The following CACNA1D variants were observed in gnomAD, a reference collection of about 807,000 sequenced individuals.
CACNA1D encodes the protein calcium voltage-gated channel subunit alpha1 D.
A neutral mutation model predicts 257.1 loss-of-function variants in CACNA1D; 55 were observed. The observed-to-expected ratio is 0.21, with a 90% CI of 0.17 to 0.27. The LOEUF is 0.27. Among genes scored for constraint, CACNA1D ranks in the 10% least tolerant of loss-of-function variants. CACNA1D has a pLI of 1.00. For missense variants in CACNA1D, 1,876 were observed against 2,784.0 expected (o/e 0.67, Z 7.34); for synonymous variants, 980 against 1,014.9 (o/e 0.97, Z 0.65).
intron 3 of CACNA1D, among the ~76,000 whole-genome samples, chr3:53,572,232 T>C (rs1214075601): frequency 6.6e-6 from 1 of 152,192 alleles, no homozygotes; most frequent in East Asian, 1.9e-4. Flanking sequence ...GCCCTTCCAG[T>C]CCCAGTGGAT....
chr3:53,559,891 A>T (rs967451452), intron 3 of CACNA1D, among the ~76,000 whole-genome samples: 24 of 150,010 alleles, frequency 1.6e-4, no homozygotes, highest in Non-Finnish European at 2.5e-4. Flanking sequence ...TTCGCCCCTT[A>T]TTCTGGGACT....
At chr3:53,523,554 C>G (rs529584841) in intron 3 of CACNA1D, among the ~76,000 whole-genome samples, 47 of 152,322 alleles carry the variant, frequency 3.1e-4, no homozygotes, top group African/African-American at 1.1e-3. Context: ...TAGGCACATT[C>G]CAAGTGCCAT....
At chr3:53,740,466 G>T (rs1380624964) in intron 21 of CACNA1D, 127 bp downstream of exon 21, 4 of 751,294 alleles carry the variant, frequency 5.3e-6, no homozygotes, top group Non-Finnish European at 7.2e-6. Context: ...TTGCATTTGA[G>T]ATCATTTTAA....
chr3:53,717,815 C>T (rs2094835978), intron 9 of CACNA1D, among the ~76,000 whole-genome samples: 1 of 152,174 alleles, frequency 6.6e-6, no homozygotes, highest in Admixed American at 6.5e-5. Context: ...TACCTTCATG[C>T]ACTGCCTTCC....
At chr3:53,622,984 C>T (rs1439886977) in intron 3 of CACNA1D, among the ~76,000 whole-genome samples, 5 of 152,020 alleles carry the variant, frequency 3.3e-5, no homozygotes, top group African/African-American at 7.3e-5. Flanking sequence ...CTCTGCCTCC[C>T]GGGTTCAAGC....
chr3:53,618,876 CGG>C (rs1164958224), intron 3 of CACNA1D, among the ~76,000 whole-genome samples: 1 of 152,152 alleles, frequency 6.6e-6, no homozygotes, highest in East Asian at 1.9e-4. Context: ...TGTGTGACCT[CGG>C]GCAAGTCACT....
intron 38 of CACNA1D, 123 bp from the exon 39 acceptor site, chr3:53,781,443 G>A (rs2095424811): frequency 1.4e-6 from 1 of 718,038 alleles, no homozygotes; most frequent in African/African-American, 1.7e-5. Context: ...CCTGGTGGGA[G>A]TGGAGCCCCA....
intron 3 of CACNA1D, among the ~76,000 whole-genome samples, chr3:53,535,928 G>A (rs2092102480): frequency 6.6e-6 from 1 of 152,184 alleles, no homozygotes; most frequent in South Asian, 2.1e-4. Context: ...CCTTCTAGGT[G>A]GTGGGGAAGA....
chr3:53,507,087 A>AAG (rs1553707857), intron 3 of CACNA1D, among the ~76,000 whole-genome samples: 3 of 151,098 alleles, frequency 2.0e-5, no homozygotes, highest in Non-Finnish European at 1.5e-5. Flanking sequence ...AAAAAAAAAA[A>AAG]AAAAAACAAA....
At chr3:53,558,738 A>T (rs9866802) in intron 3 of CACNA1D, among the ~76,000 whole-genome samples, 2,783 of 152,228 alleles carry the variant, frequency 0.018, 96 homozygotes, top group African/African-American at 0.062. Context: ...TAATAATTCA[A>T]ATCATTCTTC....
chr3:53,554,001 C>T (rs775082808), intron 3 of CACNA1D, among the ~76,000 whole-genome samples: 10 of 151,788 alleles, frequency 6.6e-5, no homozygotes, highest in Non-Finnish European at 1.5e-4. Flanking sequence ...TGGAGACCAT[C>T]CTGGCTAACA....
At chr3:53,651,361 A>ATTTTTTTTT (rs1576235107) in intron 4 of CACNA1D, among the ~76,000 whole-genome samples, 55 of 57,084 alleles carry the variant, frequency 9.6e-4, no homozygotes, top group Non-Finnish European at 1.1e-3. Flanking sequence ...AAAGCTATTA[A>ATTTTTTTTT]TTTTCTTTTT....
chr3:53,609,359 G>A (rs1330889069), intron 3 of CACNA1D, among the ~76,000 whole-genome samples: 2 of 143,272 alleles, frequency 1.4e-5, no homozygotes, highest in Admixed American at 7.3e-5. Context: ...GCAGTGAGCC[G>A]AGATTGCGCC....
intron 21 of CACNA1D, among the ~76,000 whole-genome samples, chr3:53,740,828 A>G (rs2095110220): frequency 6.6e-6 from 1 of 152,222 alleles, no homozygotes; most frequent in African/African-American, 2.4e-5. Context: ...CATCAAAGTC[A>G]GAGGAAAAGC....
intron 4 of CACNA1D, among the ~76,000 whole-genome samples, chr3:53,652,396 G>A (rs2094106859): frequency 6.6e-6 from 1 of 152,188 alleles, no homozygotes; most frequent in South Asian, 2.1e-4. Flanking sequence ...GCAGAATAGG[G>A]GAGGGGAGGG....
intron 15 of CACNA1D, among the ~76,000 whole-genome samples, chr3:53,728,834 G>A (rs2094960871): frequency 6.6e-6 from 1 of 152,168 alleles, no homozygotes; most frequent in African/African-American, 2.4e-5. Context: ...ACACATTGGA[G>A]GTACTTGGTA....
intron 3 of CACNA1D, among the ~76,000 whole-genome samples, chr3:53,536,111 A>C (rs2092107861): frequency 6.6e-6 from 1 of 152,224 alleles, no homozygotes; most frequent in Non-Finnish European, 1.5e-5. Flanking sequence ...TTCTGTGGAC[A>C]CTGGTGCTTT....
chr3:53,597,301 T>C (rs2093382824), intron 3 of CACNA1D, among the ~76,000 whole-genome samples: 1 of 152,198 alleles, frequency 6.6e-6, no homozygotes, highest in African/African-American at 2.4e-5. Context: ...ATCAGCTAGG[T>C]TGGCAATTGA....
chr3:53,809,848 A>T, intron 46 of CACNA1D, 130 bp from the exon 47 acceptor site: 1 of 820,428 alleles, frequency 1.2e-6, no homozygotes, highest in Non-Finnish European at 2.2e-6. Context: ...CAGTGTGCCC[A>T]TGTCCTTTCC....
Sources: allele counts gnomAD v4.1 joint callset (sites outside exome capture counted in the v4.1 genomes callset), GRCh38; gene constraint gnomAD v4.1.1; transcripts MANE v1.5; gene names NCBI Gene and HGNC (gene_info 2026-07-23, HGNC 2026-07-21).